ZNF197: variants seen among roughly 807,000 people sequenced by gnomAD.
The protein encoded by ZNF197 is zinc finger protein 197.
ZNF197 carries 14 observed loss-of-function variants against 27.4 expected under a neutral mutation model. That is an observed-to-expected ratio of 0.51 (90% CI 0.34 to 0.80). The LOEUF is 0.80. Ranked by LOEUF, ZNF197 falls within the 30% of genes least tolerant of loss-of-function variation. The pLI, the probability that ZNF197 is intolerant of heterozygous loss-of-function variation, is 0.02. For synonymous variants in ZNF197, 415 were observed against 420.0 expected (o/e 0.99, Z 0.15); for missense variants, 1,090 against 1,222.6 (o/e 0.89, Z 1.62).
At chr3:44,626,569 A>G (rs1324153484) in intron 1 of ZNF197, among the ~76,000 whole-genome samples, 3 of 152,258 alleles carry the variant, frequency 2.0e-5, no homozygotes, top group African/African-American at 7.2e-5. Context: ...CTCAATGGAA[A>G]CATGGGCAAA....
rs115498440 is a variant in ZNF197 at position 44,643,344 on chromosome 3, T to C, written c.2214T>C (p.Asp738=). 3.4e-5 allele frequency: 55 copies of C among 1,613,970 alleles called. No homozygotes were observed. In the African/African-American group the frequency reaches 5.3e-4, roughly 16 times the overall value. ...AAGAGAAAGCCTACAAATGTGAGGATTGTGGGAAGGCTTTCAGTTACAATT... is the reference window on the plus strand; with the variant it reads ...AAGAGAAAGCCTACAAATGTGAGGACTGTGGGAAGGCTTTCAGTTACAATT... ...HTQEKAYKCE[D]CGKAFSYNSS... Residue 738 remains aspartate (D), a synonymous_variant, in exon 6 of 6, where the codon GAT becomes GAC. Coordinates refer to ENST00000344387, the MANE Select transcript of ZNF197 (RefSeq NM_006991.5).
At position 44,629,442 on chromosome 3, in the gene ZNF197, G is replaced by C. The variant is rs143813668; in HGVS notation, c.288G>C (p.Gly96=). The C allele has an allele frequency of 1.9e-6, 3 of 1,613,988 alleles. No homozygotes were observed. In the African/African-American group the frequency reaches 4.0e-5, roughly 22 times the overall value. Residue 96 remains glycine, a synonymous_variant, in exon 2 of 6, where the codon GGG becomes GGC. Transcript: ENST00000344387. ...VLEQFLSILP[G]EIRTWVQLHH... is the part of the protein sequence containing the mutation. ...AGCAGTTTCTGAGCATCCTGCCTGGGGAGATTCGGACCTGGGTACAGCTCC... is the reference window on the plus strand; with the variant it reads ...AGCAGTTTCTGAGCATCCTGCCTGGCGAGATTCGGACCTGGGTACAGCTCC...
intron 4 of ZNF197, 97 bp downstream of exon 4, chr3:44,632,293 A>G (rs1702059402): frequency 6.5e-7 from 1 of 1,530,114 alleles, no homozygotes; most frequent in African/African-American, 1.4e-5. Context: ...GTCAGTTCCC[A>G]TTTCTAAATC....
At chr3:44,630,019 C>T (rs928543556) in intron 2 of ZNF197, among the ~76,000 whole-genome samples, 2 of 152,122 alleles carry the variant, frequency 1.3e-5, no homozygotes, top group African/African-American at 4.8e-5. Flanking sequence ...GAGTTCAAGA[C>T]CAGCCTGGAC....
At chr3:44,630,663 A>C (rs1701936715) in intron 2 of ZNF197, among the ~76,000 whole-genome samples, 1 of 152,212 alleles carries the variant, frequency 6.6e-6, no homozygotes, top group South Asian at 2.1e-4. Flanking sequence ...GTATTTGAGC[A>C]CAAAGGGCTA....
At position 44,642,020 on chromosome 3, in the gene ZNF197, T is replaced by C. The variant is rs1214113280; in HGVS notation, c.890T>C (p.Phe297Ser). ...GGAAGTGTTCCCCAGGTCCTTGATTTTGAAGAAGAGTGTGAATGGCAAGTT... is the reference window on the plus strand; with the variant it reads ...GGAAGTGTTCCCCAGGTCCTTGATTCTGAAGAAGAGTGTGAATGGCAAGTT... ...LQGSVPQVLD[F>S]EEECEWQVLA... is the part of the protein sequence containing the mutation. Residue 297 changes from phenylalanine (F) to serine (S), a missense_variant, in exon 6 of 6, where the codon TTT becomes TCT. Physicochemically the swap from Phe to Ser is radical, Grantham distance 155. Coordinates refer to ENST00000344387, the MANE Select transcript of ZNF197 (RefSeq NM_006991.5). 6.2e-7 allele frequency: 1 copy of C among 1,614,072 alleles called. No homozygotes were observed. Among genetic ancestry groups the C allele is most frequent in the East Asian group, 2.2e-5 (1 of 44,856 alleles).
Position 44,642,248 on chromosome 3 carries a change from A to G in ZNF197, c.1118A>G (p.Asp373Gly). The change falls in exon 6 of 6, where the codon GAT becomes GGT. Residue 373 changes from aspartate to glycine, a missense_variant. Asp to Gly is a moderately conservative substitution (Grantham distance 94, BLOSUM62 -1). Coordinates refer to ENST00000344387, the MANE Select transcript of ZNF197 (RefSeq NM_006991.5). ...GAAGGAAAGAAGTTTTATAAATGTG[A>G]TATGTGTTGTAAACATTTTAATAAA... ...GTEGKKFYKC[D>G]MCCKHFNKIS... 6.2e-7 allele frequency: 1 copy of G among 1,614,034 alleles called. No individual in the cohort carries two copies. Among genetic ancestry groups the G allele is most frequent in the Non-Finnish European group, 8.5e-7 (1 of 1,179,978 alleles).
rs764405131 is a variant in ZNF197 at position 44,642,774 on chromosome 3, T to G, written c.1644T>G (p.Ala548=). 2.5e-6 allele frequency: 4 copies of G among 1,613,680 alleles called. No individual in the cohort carries two copies. In the South Asian group the frequency reaches 4.4e-5, roughly 18 times the overall value. ...YKCDECGKTF[A]QTTYLIDHQR... is the part of the protein sequence containing the mutation. ...GTGATGAATGTGGAAAGACCTTTGCTCAGACCACTTATCTTATTGACCATC... is the reference window on the plus strand; with the variant it reads ...GTGATGAATGTGGAAAGACCTTTGCGCAGACCACTTATCTTATTGACCATC... The change falls in exon 6 of 6, where the codon GCT becomes GCG. Residue 548 remains alanine (A), a synonymous_variant. Transcript: ENST00000344387.
At position 44,646,559 on chromosome 3, in the gene ZNF197, T is replaced by C. The variant is rs1575506807; in HGVS notation, c.*2339T>C. On this transcript the variant is annotated 3_prime_UTR_variant, in exon 6 of 6. Transcript: ENST00000344387. The stretch of plus-strand genomic sequence containing the variant: ...ACGAGAAACAGACACATCCAGAACG[T>C]GGAATATTGCATAAGAAAGCTGCCC... The C allele has an allele frequency of 8.8e-7, 1 of 1,139,440 alleles. No homozygotes were observed. The highest frequency in any genetic ancestry group is 2.3e-5 in the East Asian group (1 of 42,644). The allele number at this position is 1,139,440 out of a possible 1,614,324, so 70.6% of individuals were successfully genotyped here. A position where few individuals can be genotyped will look rare whatever the true frequency, so the allele number is the denominator to read the frequency against.
chr3:44,627,381 C>G (rs940518422), intron 1 of ZNF197, among the ~76,000 whole-genome samples: 12 of 152,206 alleles, frequency 7.9e-5, no homozygotes, highest in African/African-American at 2.7e-4. Flanking sequence ...TGCTCTACTC[C>G]TACACTCTTG....
At chr3:44,626,939 A>T (rs1701701556) in intron 1 of ZNF197, among the ~76,000 whole-genome samples, 2 of 152,224 alleles carry the variant, frequency 1.3e-5, no homozygotes, top group Non-Finnish European at 2.9e-5. Flanking sequence ...ACATTCCATC[A>T]GTGCTGGCAT....
Position 44,643,809 on chromosome 3 carries a change from A to G in ZNF197, c.2679A>G (p.Gln893=), listed in dbSNP as rs774074969. Residue 893 remains glutamine (Q), a synonymous_variant, in exon 6 of 6, where the codon CAA becomes CAG. Coordinates refer to ENST00000344387, the MANE Select transcript of ZNF197 (RefSeq NM_006991.5). The part of the protein sequence containing the change: ...LTSSRNLMVH[Q]RIHTGEKPYK... ...CTAGTAGAAATCTTATGGTACATCA[A>G]AGAATCCATACTGGAGAGAAACCTT... 2 of 1,613,998 alleles carry G rather than the reference A, an allele frequency of 1.2e-6. No homozygotes were observed. Among genetic ancestry groups the G allele is most frequent in the Admixed American group, 3.3e-5 (2 of 60,010 alleles).
chr3:44,644,073 A>C lies in ZNF197; in HGVS notation c.2943A>C (p.Thr981=), dbSNP rs1702807083. 1.2e-6 allele frequency: 2 copies of C among 1,614,066 alleles called. No individual in the cohort carries two copies. Among genetic ancestry groups the C allele is most frequent in the Admixed American group, 1.7e-5 (1 of 60,004 alleles). ...TTACTGTACATCAGAAAATCCACACAGATGAAAAACCTTGTGAATGTGATG... is the reference window on the plus strand; with the variant it reads ...TTACTGTACATCAGAAAATCCACACCGATGAAAAACCTTGTGAATGTGATG... The part of the protein sequence containing the change: ...KNLTVHQKIH[T]DEKPCECDVS... The change falls in exon 6 of 6, where the codon ACA becomes ACC. Residue 981 remains threonine (T), a synonymous_variant. Transcript: ENST00000344387.
At chr3:44,639,138 G>C (rs1702462345) in intron 5 of ZNF197, among the ~76,000 whole-genome samples, 1 of 152,136 alleles carries the variant, frequency 6.6e-6, no homozygotes, top group Non-Finnish European at 1.5e-5. Context: ...TGGTTTCCTA[G>C]TGTTATACCA....
chr3:44,645,126 C>T lies in ZNF197; in HGVS notation c.*906C>T. Reference sequence around the variant, plus strand: ...TGGCCATGTGATGTTATTAAGTCAGCCTCTAAAGCTTTAGTTTCCTGTCAG... The same window carrying T: ...TGGCCATGTGATGTTATTAAGTCAGTCTCTAAAGCTTTAGTTTCCTGTCAG... On this transcript the variant is annotated 3_prime_UTR_variant, in exon 6 of 6. Coordinates refer to ENST00000344387, the MANE Select transcript of ZNF197 (RefSeq NM_006991.5). The T allele has an allele frequency of 3.1e-6, 3 of 970,174 alleles. No individual in the cohort carries two copies. Among genetic ancestry groups the T allele is most frequent in the Non-Finnish European group, 3.7e-6 (3 of 816,152 alleles). 60.1% of individuals were successfully genotyped at this position (970,174 alleles called of 1,614,324 possible).
chr3:44,626,159 A>G (rs1701650083), intron 1 of ZNF197, among the ~76,000 whole-genome samples: 1 of 152,108 alleles, frequency 6.6e-6, no homozygotes, highest in Non-Finnish European at 1.5e-5. Flanking sequence ...ATTCCTTTCC[A>G]TCACCCCCAG....
At chr3:44,628,686 G>A (rs2125793090) in intron 1 of ZNF197, among the ~76,000 whole-genome samples, 1 of 152,280 alleles carries the variant, frequency 6.6e-6, no homozygotes, top group South Asian at 2.1e-4. Context: ...AACCCCATAA[G>A]GTAGGAACTG....
chr3:44,642,859 C>A lies in ZNF197; in HGVS notation c.1729C>A (p.Arg577=), dbSNP rs760841561. ...TAAAGAATGTGGAAAAGTTTTCATT[C>A]GAAGCAAAAGCCTCCTCTTACATCA... ...KCKECGKVFI[R]SKSLLLHQRV... The change falls in exon 6 of 6, where the codon CGA becomes AGA. Residue 577 remains arginine, a synonymous_variant. Coordinates refer to ENST00000344387, the MANE Select transcript of ZNF197 (RefSeq NM_006991.5). 6.2e-7 allele frequency: 1 copy of A among 1,614,048 alleles called. No homozygotes were observed. The highest frequency in any genetic ancestry group is 8.5e-7 in the Non-Finnish European group (1 of 1,180,022).
In ZNF197 at chr3:44,644,234, A is replaced by G. The variant is rs764839955; in HGVS notation, c.*14A>G. ...CAGAAAATCTAGTGTCATATGTAAA[A>G]TGGAATAGAATCCCTGCCTACTTAA... On this transcript the variant is annotated 3_prime_UTR_variant, in exon 6 of 6. Coordinates refer to ENST00000344387, the MANE Select transcript of ZNF197 (RefSeq NM_006991.5). 3.7e-5 allele frequency: 58 copies of G among 1,560,198 alleles called. No homozygotes were observed. The highest frequency in any genetic ancestry group is 4.9e-5 in the Non-Finnish European group (57 of 1,158,652).
Sources: allele counts gnomAD v4.1 joint callset (sites outside exome capture counted in the v4.1 genomes callset), GRCh38; gene constraint gnomAD v4.1.1; transcripts MANE v1.5; gene names NCBI Gene and HGNC (gene_info 2026-07-23, HGNC 2026-07-21).